Variants in PPM1L observed in about 807,000 individuals in gnomAD.
The protein encoded by PPM1L is protein phosphatase 1L.
Under a neutral mutation model 31.4 loss-of-function variants are expected in PPM1L, and 13 were observed. The observed-to-expected ratio is 0.41, with a 90% CI of 0.27 to 0.66. The LOEUF (loss-of-function observed/expected upper bound fraction) is 0.66, where lower values mean the gene tolerates loss of function less well. Ranked by LOEUF, PPM1L falls within the 30% of genes least tolerant of loss-of-function variation. The pLI, the probability that PPM1L is intolerant of heterozygous loss-of-function variation, is 0.29. For synonymous variants in PPM1L, 184 were observed against 175.4 expected (o/e 1.05, Z -0.39); for missense variants, 326 against 453.7 (o/e 0.72, Z 2.56).
chr3:161,022,794 G>T (rs1718273515), intron 2 of PPM1L, among the ~76,000 whole-genome samples: 1 of 151,436 alleles, frequency 6.6e-6, no homozygotes. Context: ...CTCCCGAGTA[G>T]CTGGGACTAC....
At position 160,864,602 on chromosome 3, in the gene PPM1L, T is replaced by C. The variant is rs777678181; in HGVS notation, c.400-97134T>C. 2.0e-4 allele frequency among the ~76,000 whole-genome samples: 31 copies of C among 152,220 alleles called. 1 individual carries two copies. The highest frequency in any genetic ancestry group is 4.1e-4 in the South Asian group (2 of 4,824). On this transcript the variant is annotated intron_variant, in intron 1 of 3. Coordinates refer to ENST00000498165, the MANE Select transcript of PPM1L (RefSeq NM_139245.4). ...CATTTAGTCATGTTGGCTTCAAATC[T>C]TTATCAGTTCTTTCACAGATATGTT... is the stretch of plus-strand genomic sequence containing the variant.
intron 1 of PPM1L, among the ~76,000 whole-genome samples, chr3:160,765,481 A>G (rs756727853): frequency 1.3e-5 from 2 of 152,192 alleles, no homozygotes; most frequent in Non-Finnish European, 2.9e-5. Flanking sequence ...TAACCTTGGT[A>G]GGTTGATCTT....
chr3:160,830,579 C>T (rs1187270321), intron 1 of PPM1L, among the ~76,000 whole-genome samples: 1 of 152,050 alleles, frequency 6.6e-6, no homozygotes, highest in Non-Finnish European at 1.5e-5. Flanking sequence ...CATAGTTATG[C>T]TTTGTTGCTC....
chr3:161,034,101 C>T (rs1163124372), intron 2 of PPM1L, among the ~76,000 whole-genome samples: 1 of 152,146 alleles, frequency 6.6e-6, no homozygotes, highest in Admixed American at 6.5e-5. Flanking sequence ...AAAAGCTCAT[C>T]ATCACTGGTC....
At chr3:160,891,953 A>G (rs1174774113) in intron 1 of PPM1L, among the ~76,000 whole-genome samples, 1 of 152,166 alleles carries the variant, frequency 6.6e-6, no homozygotes, top group African/African-American at 2.4e-5. Flanking sequence ...TAATGAGAAC[A>G]TATGGACACA....
intron 1 of PPM1L, among the ~76,000 whole-genome samples, chr3:160,855,399 C>T (rs989520581): frequency 1.3e-5 from 2 of 152,152 alleles, no homozygotes; most frequent in African/African-American, 4.8e-5. Flanking sequence ...TTAAAGAACT[C>T]TGCACAGTGA....
intron 2 of PPM1L, among the ~76,000 whole-genome samples, chr3:160,970,158 C>T (rs932606008): frequency 1.3e-5 from 2 of 152,012 alleles, no homozygotes; most frequent in Non-Finnish European, 2.9e-5. Flanking sequence ...TAATATGGTT[C>T]CTGTCTTGTA....
chr3:161,039,530 T>A (rs1170299572), intron 2 of PPM1L, among the ~76,000 whole-genome samples: 1 of 152,064 alleles, frequency 6.6e-6, no homozygotes, highest in African/African-American at 2.4e-5. Context: ...ATTTTTTATG[T>A]TTTATTTTTT....
At chr3:160,785,715 T>A (rs910236759) in intron 1 of PPM1L, among the ~76,000 whole-genome samples, 2 of 152,332 alleles carry the variant, frequency 1.3e-5, no homozygotes, top group African/African-American at 4.8e-5. Context: ...CTGCTCAGTA[T>A]TCCATTGTGT....
intron 1 of PPM1L, among the ~76,000 whole-genome samples, chr3:160,849,367 T>C (rs962340457): frequency 7.9e-5 from 12 of 152,158 alleles, no homozygotes; most frequent in Admixed American, 7.9e-4. Flanking sequence ...GTCAGAGGAC[T>C]CTGGCATGGC....
chr3:161,041,847 G>C (rs1718919740), intron 2 of PPM1L, among the ~76,000 whole-genome samples: 1 of 152,098 alleles, frequency 6.6e-6, no homozygotes, highest in African/African-American at 2.4e-5. Flanking sequence ...TAAAAGCTTT[G>C]ACATTTCTTA....
chr3:161,014,396 A>C (rs1309470930), intron 2 of PPM1L, among the ~76,000 whole-genome samples: 2 of 151,846 alleles, frequency 1.3e-5, no homozygotes, highest in African/African-American at 4.8e-5. Flanking sequence ...TTGTTTTTAT[A>C]TCTCTATTCT....
rs1197321876 is a variant in PPM1L, at chr3:160,944,964, CAT to C, written c.400-16767_400-16766del. On this transcript the variant is annotated intron_variant, in intron 1 of 3. Coordinates refer to ENST00000498165, the MANE Select transcript of PPM1L (RefSeq NM_139245.4). ...TATATAACTATATATAACTATATAA[CAT>C]ATATTATATATAACTATATATAACA... Among the ~76,000 whole-genome samples, 7 of 47,690 alleles carry C rather than the reference CAT, an allele frequency of 1.5e-4. 1 individual carries two copies. The highest frequency in any genetic ancestry group is 1.9e-4 in the Non-Finnish European group (5 of 25,792). 31.3% of individuals were successfully genotyped at this position (47,690 alleles called of 152,430 possible). A position where few individuals can be genotyped will look rare whatever the true frequency, so the allele number is the denominator to read the frequency against.
intron 1 of PPM1L, among the ~76,000 whole-genome samples, chr3:160,928,772 C>T (rs1047249755): frequency 3.9e-5 from 6 of 152,162 alleles, no homozygotes; most frequent in African/African-American, 1.4e-4. Context: ...CATGCGAGGA[C>T]ACCTAGATGG....
intron 1 of PPM1L, among the ~76,000 whole-genome samples, chr3:160,761,586 C>CAAAAA (rs1229739944): frequency 1.3e-5 from 2 of 152,182 alleles, no homozygotes; most frequent in African/African-American, 2.4e-5. Flanking sequence ...AATGTGCAGA[C>CAAAAA]TTTTATGGAA....
At chr3:161,023,313 A>G (rs1246690114) in intron 2 of PPM1L, among the ~76,000 whole-genome samples, 1 of 152,082 alleles carries the variant, frequency 6.6e-6, no homozygotes, top group Non-Finnish European at 1.5e-5. Context: ...TTCTTCAAAT[A>G]TTCTTTTGTT....
At chr3:160,760,842 G>A (rs569656471) in intron 1 of PPM1L, among the ~76,000 whole-genome samples, 13 of 151,978 alleles carry the variant, frequency 8.6e-5, no homozygotes, top group Non-Finnish European at 1.3e-4. Flanking sequence ...ATGTTCATGA[G>A]CACTACTCTA....
chr3:160,944,730 CATGTTATATATTATATAATATAT>C (rs1715269214), intron 1 of PPM1L, among the ~76,000 whole-genome samples: 1 of 98,952 alleles, frequency 1.0e-5, no homozygotes, highest in African/African-American at 3.1e-5. Flanking sequence ...TTATATATAA[CATGTTATATATTATATAATATAT>C]ATGTTATATA....
chr3:160,840,201 C>T (rs781364512), intron 1 of PPM1L, among the ~76,000 whole-genome samples: 42 of 152,222 alleles, frequency 2.8e-4, no homozygotes, highest in Non-Finnish European at 4.4e-4. Flanking sequence ...TGGAAAGCAT[C>T]GTGAAATATT....
Sources: gnomAD v4.1 joint callset for allele counts (sites outside exome capture counted in the v4.1 genomes callset) on GRCh38, gnomAD v4.1.1 for gene constraint, MANE v1.5 for transcripts, NCBI Gene and HGNC (gene_info 2026-07-23, HGNC 2026-07-21) for gene names.